Variants in VAV2 observed in about 807,000 individuals in gnomAD.
VAV2 encodes vav guanine nucleotide exchange factor 2, also known as guanine nucleotide exchange factor VAV2.
A neutral mutation model predicts 132.5 loss-of-function variants in VAV2; 67 were observed. That is an observed-to-expected ratio of 0.51 (90% CI 0.42 to 0.62). VAV2 has a LOEUF of 0.62. Ranked by LOEUF, VAV2 falls within the 20% of genes least tolerant of loss-of-function variation. The pLI is 0.00. For missense variants in VAV2, 938 were observed against 1,153.6 expected, an observed-to-expected ratio of 0.81 and a Z score of 2.71; for synonymous variants, 492 against 443.5, an observed-to-expected ratio of 1.11 and a Z score of -1.37.
Position 133,961,883 on chromosome 9 carries a change from A to C in VAV2, c.205-22664T>G, listed in dbSNP as rs897667620. 1.3e-5 allele frequency among the ~76,000 whole-genome samples: 2 copies of C among 152,052 alleles called. No individual in the cohort carries two copies. The highest frequency in any genetic ancestry group is 4.8e-5 in the African/African-American group (2 of 41,422). The stretch of plus-strand genomic sequence containing the variant: ...CAGGGAGACCCTCACCGTGAGCCTC[A>C]TCCACCCAGAGGGTGCCCCCACCCT... On this transcript the variant is annotated intron_variant, in intron 1 of 29. Transcript: ENST00000371850. The surrounding 1 kb of genome is among the most constrained non-coding windows in gnomAD (Gnocchi z 4.1).
Position 133,979,637 on chromosome 9 carries a change from GC to G in VAV2, c.204+12437del, listed in dbSNP as rs781761204. 1.4e-3 allele frequency among the ~76,000 whole-genome samples: 219 copies of G among 152,294 alleles called. 2 individuals carry two copies. The highest frequency in any genetic ancestry group is 2.3e-3 in the Non-Finnish European group (156 of 68,002). Reference sequence around the variant, plus strand: ...GACAGGCAGCCAGGCACTAATCCGGGCCCGGCCCCGCCTCCGGCCATGTCCC... The same window carrying G: ...GACAGGCAGCCAGGCACTAATCCGGGCCGGCCCCGCCTCCGGCCATGTCCC... On this transcript the variant is annotated intron_variant, in intron 1 of 29. Coordinates refer to ENST00000371850, the MANE Select transcript of VAV2 (RefSeq NM_001134398.2).
At chr9:133,781,053 GCACTC>G (rs1833990602) in intron 19 of VAV2, among the ~76,000 whole-genome samples, 1 of 152,214 alleles carries the variant, frequency 6.6e-6, no homozygotes, top group South Asian at 2.1e-4. Context: ...GTGGTACCTG[GCACTC>G]AAAGGGGAGA....
intron 9 of VAV2, among the ~76,000 whole-genome samples, chr9:133,798,262 G>A (rs1051147202): frequency 6.6e-6 from 1 of 152,230 alleles, no homozygotes; most frequent in African/African-American, 2.4e-5. Context: ...GCTGTGCCAG[G>A]TGGGGAACCC....
At position 133,928,840 on chromosome 9, in the gene VAV2, G is replaced by A. The variant is rs1840574471; in HGVS notation, c.321+10263C>T. 2.0e-5 allele frequency among the ~76,000 whole-genome samples: 3 copies of A among 152,204 alleles called. No homozygotes were observed. Among genetic ancestry groups the A allele is most frequent in the African/African-American group, 7.2e-5 (3 of 41,444 alleles). On this transcript the variant is annotated intron_variant, in intron 2 of 29. Transcript: ENST00000371850. This position sits in a 1 kb window ranked among gnomAD's most constrained non-coding sequence, Gnocchi z 5.4. ...CCCAGACGCAGGGCAGGTGGATGGT[G>A]GGTGTGGGGCAGGATACACTGGCCG...
intron 2 of VAV2, among the ~76,000 whole-genome samples, chr9:133,936,021 C>T (rs560595905): frequency 3.9e-5 from 6 of 152,236 alleles, no homozygotes; most frequent in East Asian, 1.9e-4. Flanking sequence ...CCCTGGGGCA[C>T]GTGCGGTGCT....
At chr9:133,807,105 G>A (rs547982826) in intron 8 of VAV2, among the ~76,000 whole-genome samples, 153 bp downstream of exon 8, 1 of 152,370 alleles carries the variant, frequency 6.6e-6, no homozygotes, top group African/African-American at 2.4e-5. Flanking sequence ...ACCCTGGAGA[G>A]AGCGGTGGGG....
chr9:133,873,011 G>T (rs537587729), intron 2 of VAV2, among the ~76,000 whole-genome samples: 12 of 151,188 alleles, frequency 7.9e-5, no homozygotes, highest in Non-Finnish European at 1.5e-4. Flanking sequence ...TACTTGGGAG[G>T]CTGGGGCAGA....
intron 16 of VAV2, among the ~76,000 whole-genome samples, chr9:133,786,275 C>CTTG (rs1834220039): frequency 6.6e-6 from 1 of 152,230 alleles, no homozygotes; most frequent in African/African-American, 2.4e-5. Flanking sequence ...CACACACACA[C>CTTG]TTGTATCTGT....
chr9:133,905,265 C>CT, intron 2 of VAV2, among the ~76,000 whole-genome samples: 1 of 42,672 alleles, frequency 2.3e-5, no homozygotes, highest in South Asian at 1.5e-3. Flanking sequence ...CCCATCTCTA[C>CT]TAAAAAAAAA....
Position 133,789,270 on chromosome 9 carries a change from G to A in VAV2, c.1262C>T (p.Thr421Ile), listed in dbSNP as rs763654070. ...ELKVRSIVNH[T>I]KQDRYLFLFD... ...GCGCCCTGCTCACCTGTCCTGCTTG[G>A]TGTGGTTGACTATGGACCGGACTTT... The change falls in exon 14 of 30, where the codon ACC (threonine) becomes ATC (isoleucine). Residue 421 changes from threonine (T) to isoleucine (I), a missense_variant. Thr to Ile is a moderately conservative substitution (Grantham distance 89). Transcript: ENST00000371850. 6.2e-7 allele frequency: 1 copy of A among 1,614,132 alleles called. No homozygotes were observed. The highest frequency in any genetic ancestry group is 8.5e-7 in the Non-Finnish European group (1 of 1,180,038).
intron 3 of VAV2, among the ~76,000 whole-genome samples, chr9:133,856,469 C>T (rs1007298711): frequency 3.3e-5 from 5 of 151,736 alleles, no homozygotes; most frequent in Non-Finnish European, 5.9e-5. Flanking sequence ...CCCACCGGGA[C>T]CCCATGCTGG....
intron 23 of VAV2, 53 bp from the exon 24 acceptor site, chr9:133,776,133 A>G: frequency 5.0e-6 from 8 of 1,594,534 alleles, no homozygotes; most frequent in Non-Finnish European, 6.8e-6. Flanking sequence ...CTCACAGAGC[A>G]GGGCTCAGAG....
chr9:133,769,554 C>A lies in VAV2; in HGVS notation c.2348-51G>T. On this transcript the variant is annotated intron_variant, in intron 27 of 29. Transcript: ENST00000371850. This position sits in a 1 kb window ranked among gnomAD's most constrained non-coding sequence, Gnocchi z 8.1. ...AGGCGGGCAGCAGGGCATCCACGCACAGTCACGGTGGGCACAGCTACAGGC... is the reference window on the plus strand; with the variant it reads ...AGGCGGGCAGCAGGGCATCCACGCAAAGTCACGGTGGGCACAGCTACAGGC... The A allele has an allele frequency of 6.4e-7, 1 of 1,558,014 alleles. No homozygotes were observed. Among genetic ancestry groups the A allele is most frequent in the Non-Finnish European group, 8.7e-7 (1 of 1,145,092 alleles).
intron 2 of VAV2, among the ~76,000 whole-genome samples, chr9:133,924,259 C>T (rs542660616): frequency 3.3e-5 from 5 of 152,080 alleles, no homozygotes; most frequent in Admixed American, 6.5e-5. Context: ...CTCTGCTCAC[C>T]GCAACCTCCA....
chr9:133,795,107 G>A (rs1834653891), intron 12 of VAV2, among the ~76,000 whole-genome samples: 2 of 152,226 alleles, frequency 1.3e-5, no homozygotes, highest in Admixed American at 6.5e-5. Flanking sequence ...CCTGCAGAAG[G>A]CCGGGAGTGC....
Position 133,961,819 on chromosome 9 carries a change from G to C in VAV2, c.205-22600C>G, listed in dbSNP as rs184346190. Among the ~76,000 whole-genome samples, 78 of 152,272 alleles carry C rather than the reference G, an allele frequency of 5.1e-4. 2 individuals are homozygous for C. Among genetic ancestry groups the C allele is most frequent in the Admixed American group, 5.1e-3 (78 of 15,292 alleles). On this transcript the variant is annotated intron_variant, in intron 1 of 29. Coordinates refer to ENST00000371850, the MANE Select transcript of VAV2 (RefSeq NM_001134398.2). This position sits in a 1 kb window ranked among gnomAD's most constrained non-coding sequence, Gnocchi z 4.1. ...CCAGGGAGCCCACAGGAGCAGAGTG[G>C]CCCCTCGTTCTGGTGGCCACGCAGG...
chr9:133,959,551 G>A (rs1456606316), intron 1 of VAV2, among the ~76,000 whole-genome samples: 2 of 152,198 alleles, frequency 1.3e-5, no homozygotes, highest in Non-Finnish European at 2.9e-5. Flanking sequence ...CAAGCACCCC[G>A]TGACCGTCTG....
At chr9:133,780,021 C>T in intron 20 of VAV2, 82 bp from the exon 21 acceptor site, 1 of 1,576,544 alleles carries the variant, frequency 6.3e-7, no homozygotes, top group Non-Finnish European at 8.7e-7. Flanking sequence ...CCCCGCCCTC[C>T]CTGTCCCCAC....
At chr9:133,801,168 T>A (rs79594030) in intron 9 of VAV2, among the ~76,000 whole-genome samples, 15,926 of 152,194 alleles carry the variant, frequency 0.1, 980 homozygotes, top group South Asian at 0.21. Flanking sequence ...TTCTATCCAT[T>A]TGATAAGAGG....
Sources: gnomAD v4.1 joint callset for allele counts (sites outside exome capture counted in the v4.1 genomes callset) on GRCh38, gnomAD v4.1.1 for gene constraint, Gnocchi (gnomAD v3.1) non-coding constraint, MANE v1.5 for transcripts, NCBI Gene and HGNC (gene_info 2026-07-23, HGNC 2026-07-21) for gene names.